ECI1: variants seen among roughly 807,000 people sequenced by gnomAD.
ECI1 encodes the protein enoyl-CoA delta isomerase 1, mitochondrial.
In ECI1, 34 loss-of-function variants were observed where a neutral mutation model predicts 34.2. The observed-to-expected ratio is 1.00, with a 90% CI of 0.76 to 1.33. The LOEUF (loss-of-function observed/expected upper bound fraction) is 1.33. Among genes scored for constraint, ECI1 ranks in the 40% most tolerant of loss-of-function variants. The pLI is 0.00. For synonymous variants in ECI1, 211 were observed against 193.0 expected (o/e 1.09, Z -0.77); for missense variants, 456 against 422.2 (o/e 1.08, Z -0.70).
intron 2 of ECI1, among the ~76,000 whole-genome samples, chr16:2,250,688 G>A (rs1450526568): frequency 6.6e-6 from 1 of 152,196 alleles, no homozygotes; most frequent in East Asian, 1.9e-4. Context: ...GGGTTCTGAC[G>A]GGCGGGTAGG....
chr16:2,247,422 AGTTTT>A (rs2093542990), intron 2 of ECI1, among the ~76,000 whole-genome samples: 1 of 149,878 alleles, frequency 6.7e-6, no homozygotes, highest in African/African-American at 2.5e-5. Context: ...TTTGAGACGG[AGTTTT>A]GCTCTTGTTG....
In ECI1 at chr16:2,240,068, C is replaced by A. The variant is rs142153290; in HGVS notation, c.820G>T (p.Val274Leu). 4 of 1,613,998 alleles carry A rather than the reference C, an allele frequency of 2.5e-6. No individual in the cohort carries two copies. The highest frequency in any genetic ancestry group is 3.4e-6 in the Non-Finnish European group (4 of 1,180,026). Residue 274 changes from valine (V) to leucine (L), a missense_variant, in exon 7 of 7, where the codon GTG (valine) becomes TTG (leucine). Val to Leu is a conservative substitution (Grantham distance 32). Coordinates refer to ENST00000301729, the MANE Select transcript of ECI1 (RefSeq NM_001919.4). ...SRLVTQRDAD[V>L]QNFVSFISKD... is the part of the protein sequence containing the mutation. ...GAGATGAAGCTGACGAAGTTCTGCA[C>A]GTCCGCATCGCGCTGCGTGACCAGG...
intron 2 of ECI1, 62 bp downstream of exon 2, chr16:2,251,254 C>T: frequency 1.2e-6 from 1 of 831,282 alleles, no homozygotes. Context: ...CAGCACCCCG[C>T]GAGCGCGGAC....
At chr16:2,243,580 G>A in intron 4 of ECI1, 141 bp from the exon 5 acceptor site, 1 of 1,041,948 alleles carries the variant, frequency 9.6e-7, no homozygotes, top group East Asian at 2.5e-5. Flanking sequence ...GGTCTGGGCT[G>A]GGCTGGGTGT....
chr16:2,250,838 T>A (rs750607184), intron 2 of ECI1, among the ~76,000 whole-genome samples: 2 of 152,208 alleles, frequency 1.3e-5, no homozygotes, highest in Non-Finnish European at 2.9e-5. Flanking sequence ...TTTATTTATT[T>A]TGAGACGGAA....
chr16:2,239,691 G>T lies in ECI1; in HGVS notation c.*288C>A. Reference sequence around the variant, plus strand: ...GACTTACGATTCTGCCTTGGGAACAGAGACACTCCGTGGCAACCTCACCAG... The same window carrying T: ...GACTTACGATTCTGCCTTGGGAACATAGACACTCCGTGGCAACCTCACCAG... On this transcript the variant is annotated 3_prime_UTR_variant, in exon 7 of 7. Coordinates refer to ENST00000301729, the MANE Select transcript of ECI1 (RefSeq NM_001919.4). 2.2e-6 allele frequency: 1 copy of T among 460,050 alleles called. No homozygotes were observed. The highest frequency in any genetic ancestry group is 4.0e-6 in the Non-Finnish European group (1 of 248,818). 28.5% of individuals were successfully genotyped at this position (460,050 alleles called of 1,614,324 possible). A position where few individuals can be genotyped will look rare whatever the true frequency, so the allele number is the denominator to read the frequency against.
intron 3 of ECI1, 119 bp from the exon 4 acceptor site, chr16:2,244,671 G>T: frequency 1.8e-6 from 2 of 1,121,996 alleles, no homozygotes; most frequent in Non-Finnish European, 2.6e-6. Flanking sequence ...CGCTCAGGGT[G>T]TGGGTGCTGC....
intron 3 of ECI1, among the ~76,000 whole-genome samples, chr16:2,245,196 C>T (rs886849409): frequency 6.6e-6 from 1 of 152,158 alleles, no homozygotes; most frequent in South Asian, 2.1e-4. Flanking sequence ...GGTCACAGCC[C>T]CCTGAGCAAA....
chr16:2,249,827 G>C (rs1314402065), intron 2 of ECI1, among the ~76,000 whole-genome samples: 1 of 134,912 alleles, frequency 7.4e-6, no homozygotes, highest in African/African-American at 2.8e-5. Flanking sequence ...GCAGTGAGCG[G>C]AGATCGTGCC....
intron 2 of ECI1, 87 bp from the exon 3 acceptor site, chr16:2,247,073 G>GA (rs1454560857): frequency 6.7e-7 from 1 of 1,485,810 alleles, no homozygotes; most frequent in African/African-American, 1.4e-5. Context: ...AGCCATGATA[G>GA]CTGTGCATTT....
intron 2 of ECI1, among the ~76,000 whole-genome samples, chr16:2,247,839 TG>T (rs2093543843): frequency 6.6e-6 from 1 of 152,152 alleles, no homozygotes; most frequent in African/African-American, 2.4e-5. Context: ...GCTGAGTAGC[TG>T]GGATTATAGG....
At position 2,243,069 on chromosome 16, in the gene ECI1, A is replaced by G. The variant is rs760729560; in HGVS notation, c.719T>C (p.Ile240Thr). 55 of 1,604,002 alleles carry G rather than the reference A, an allele frequency of 3.4e-5. No homozygotes were observed. Among genetic ancestry groups the G allele is most frequent in the Non-Finnish European group, 4.6e-5 (54 of 1,179,804 alleles). The change falls in exon 6 of 7, where the codon ATA becomes ACA. Residue 240 changes from isoleucine (I) to threonine (T), a missense_variant. By Grantham distance (89) the Ile-to-Thr change is moderately conservative. Coordinates refer to ENST00000301729, the MANE Select transcript of ECI1 (RefSeq NM_001919.4). ...ACCTGGAATGGCCATCCACTGGGCT[A>G]TCGCTGACAGCGCAGTGCTCTGCAC... is the stretch of plus-strand genomic sequence containing the variant. Reference protein sequence around the residue: ...EQVQSTALSAIAQWMAIPDHA... With the variant: ...EQVQSTALSATAQWMAIPDHA...
At position 2,243,380 on chromosome 16, in the gene ECI1, C is replaced by T. The variant is rs966272901; in HGVS notation, c.501G>A (p.Ala167=). The change falls in exon 5 of 7, where the codon GCG becomes GCA. Residue 167 remains alanine, a synonymous_variant. Transcript: ENST00000301729. ...VALTCDYRIL[A]DNPRYCIGLN... is the part of the protein sequence containing the mutation. ...GTCCTATGCAGTACCTGGGGTTGTC[C>T]GCCAGGATGCGGTAGTCACAGGTCA... 13 of 1,613,542 alleles carry T rather than the reference C, an allele frequency of 8.1e-6. No homozygotes were observed. Among genetic ancestry groups the T allele is most frequent in the African/African-American group, 1.3e-5 (1 of 74,928 alleles).
chr16:2,244,222 C>T, intron 4 of ECI1, 184 bp downstream of exon 4: 2 of 723,694 alleles, frequency 2.8e-6, no homozygotes, highest in African/African-American at 1.7e-5. Flanking sequence ...AGGGCCCTCA[C>T]CCGAGGCCCA....
At chr16:2,250,159 T>C (rs1237109793) in intron 2 of ECI1, among the ~76,000 whole-genome samples, 1 of 144,208 alleles carries the variant, frequency 6.9e-6, no homozygotes, top group Non-Finnish European at 1.5e-5. Context: ...TTTGGGAGGC[T>C]GAGGAGGGAG....
At position 2,244,525 on chromosome 16, in the gene ECI1, G is replaced by C; in HGVS notation, c.322C>G (p.Leu108Val). ...CTCCCACACATCTCCGTCAGGTCCA[G>C]GCCGGCCGAGAAGACACCCGGGCGG... ...SDRPGVFSAG[L>V]DLTEMCGRSP... The change falls in exon 4 of 7, where the codon CTG (leucine) becomes GTG (valine). Residue 108 changes from leucine (L) to valine (V), a missense_variant. Leu to Val is a conservative substitution (Grantham distance 32). Transcript: ENST00000301729. 6.3e-7 allele frequency: 1 copy of C among 1,594,750 alleles called. No individual in the cohort carries two copies. The highest frequency in any genetic ancestry group is 1.7e-5 in the Admixed American group (1 of 57,262).
intron 2 of ECI1, among the ~76,000 whole-genome samples, chr16:2,250,803 T>TCATA (rs1482707668): frequency 1.3e-5 from 2 of 152,130 alleles, no homozygotes; most frequent in Non-Finnish European, 2.9e-5. Context: ...ACAGCTCATA[T>TCATA]CCCCGCCAAC....
At chr16:2,251,212 C>T in intron 2 of ECI1, 104 bp downstream of exon 2, 1 of 420,360 alleles carries the variant, frequency 2.4e-6, no homozygotes, top group Non-Finnish European at 3.4e-6. Context: ...GTTCTAAACA[C>T]AAACCGAGCG....
chr16:2,251,570 G>A lies in ECI1; in HGVS notation c.-4C>T. On this transcript the variant is annotated 5_prime_UTR_variant, in exon 1 of 7. Transcript: ENST00000301729. ...GCACAGAAGCCACCAGCGCCATCTT[G>A]ACCGCAACGCGCGGGATAAAGGTCG... 1.9e-6 allele frequency: 3 copies of A among 1,554,796 alleles called. No individual in the cohort carries two copies. Among genetic ancestry groups the A allele is most frequent in the African/African-American group, 1.4e-5 (1 of 73,362 alleles).
Sources: gnomAD v4.1 joint callset for allele counts (sites outside exome capture counted in the v4.1 genomes callset) on GRCh38, gnomAD v4.1.1 for gene constraint, MANE v1.5 for transcripts, NCBI Gene and HGNC (gene_info 2026-07-23, HGNC 2026-07-21) for gene names.